The following MRPL34 variants were observed in gnomAD, a reference collection of about 807,000 sequenced individuals.
MRPL34 encodes large ribosomal subunit protein bL34m.
In MRPL34, 8 loss-of-function variants were observed where a neutral mutation model predicts 6.7. That is an observed-to-expected ratio of 1.20 (90% CI 0.70 to 2.16). The LOEUF (loss-of-function observed/expected upper bound fraction) is 2.16, where lower values mean the gene tolerates loss of function less well. Among genes scored for constraint, MRPL34 ranks in the 30% most tolerant of loss-of-function variants. The pLI is 0.00. For missense variants in MRPL34, 146 were observed against 125.5 expected (o/e 1.16, Z -0.78); for synonymous variants, 59 against 55.1 (o/e 1.07, Z -0.31).
At chr19:17,305,663 G>A (rs2074142144), upstream of MRPL34, 2 of 582,052 alleles carry the variant, frequency 3.4e-6, no homozygotes, top group Admixed American at 3.0e-5. Flanking sequence ...AGAAGGCGCC[G>A]TTCGCCGGCT....
At chr19:17,300,465 C>G (rs573172687), upstream of MRPL34, among the ~76,000 whole-genome samples, 1 of 151,890 alleles carries the variant, frequency 6.6e-6, no homozygotes, top group East Asian at 1.9e-4. Flanking sequence ...CCTTGGCCCC[C>G]GAAAGCACTG....
intron 1 of MRPL34, among the ~76,000 whole-genome samples, chr19:17,296,859 T>A (rs1244599274): frequency 6.6e-6 from 1 of 152,064 alleles, no homozygotes; most frequent in Non-Finnish European, 1.5e-5. Context: ...TATGCCCGGC[T>A]AATTTTTGTA....
chr19:17,301,679 C>T (rs1227223574), upstream of MRPL34: 1 of 1,462,484 alleles, frequency 6.8e-7, no homozygotes, highest in African/African-American at 1.4e-5. Context: ...AACCCTGCAC[C>T]GTGCAGCAGG....
intron 1 of MRPL34, among the ~76,000 whole-genome samples, chr19:17,295,544 G>A (rs1434710111): frequency 1.3e-5 from 2 of 151,944 alleles, no homozygotes; most frequent in Admixed American, 1.3e-4. Flanking sequence ...GTAGCTGGGA[G>A]TACAGGCATG....
At chr19:17,305,521 C>T, upstream of MRPL34, 1 of 286,450 alleles carries the variant, frequency 3.5e-6, no homozygotes, top group South Asian at 2.9e-5. Flanking sequence ...GACCAACCAG[C>T]CGCTTCCTGC....
At position 17,292,720 on chromosome 19, in the gene MRPL34, C is replaced by T. The variant is rs775849701; in HGVS notation, c.80C>T (p.Ser27Leu). 1.2e-5 allele frequency: 20 copies of T among 1,613,584 alleles called. No individual in the cohort carries two copies. In the South Asian group the frequency reaches 2.1e-4, roughly 17 times the overall value. The change falls in exon 1 of 3, where the codon TCG becomes TTG. Residue 27 changes from serine to leucine, a missense_variant. Ser to Leu is a moderately radical substitution (Grantham distance 145, BLOSUM62 -2). Transcript: ENST00000595444. ...TCCGGTAGAGCCTTGGGCGAGGGCTCGGGCTCCCAGAGCAGGAATTCGTGG... is the reference window on the plus strand; with the variant it reads ...TCCGGTAGAGCCTTGGGCGAGGGCTTGGGCTCCCAGAGCAGGAATTCGTGG...
upstream of MRPL34, among the ~76,000 whole-genome samples, chr19:17,299,290 G>T (rs142065712): frequency 1.4e-5 from 2 of 148,116 alleles, no homozygotes; most frequent in Non-Finnish European, 3.0e-5. Flanking sequence ...GGCCTGGTGC[G>T]TTGGCTCACG....
intron 1 of MRPL34, among the ~76,000 whole-genome samples, chr19:17,295,349 C>T (rs2074089313): frequency 6.6e-6 from 1 of 152,058 alleles, no homozygotes; most frequent in East Asian, 1.9e-4. Flanking sequence ...TCAAGTGATC[C>T]ATCCGCCTCG....
At position 17,294,354 on chromosome 19, in the gene MRPL34, G is replaced by A; in HGVS notation, c.214+1500G>A. ...CGTGCATGCCGTGGACAAGCAGGAC[G>A]GGCACGGTGAGCTCGGCGTGGTAGA... is the stretch of plus-strand genomic sequence containing the variant. On this transcript the variant is annotated intron_variant, in intron 1 of 2. Coordinates refer to the MRPL34 transcript ENST00000595444. The A allele has an allele frequency of 3.1e-6, 5 of 1,613,464 alleles. 1 individual carries two copies. In the South Asian group the frequency reaches 4.4e-5, roughly 14 times the overall value.
chr19:17,294,757 C>G, intron 1 of MRPL34: 1 of 1,614,172 alleles, frequency 6.2e-7, no homozygotes, highest in Non-Finnish European at 8.5e-7. Flanking sequence ...AAGCTGGGCT[C>G]CAGCGCCGTA....
At chr19:17,301,235 C>T (rs1351804599), upstream of MRPL34, 8 of 1,591,438 alleles carry the variant, frequency 5.0e-6, no homozygotes, top group South Asian at 5.6e-5. Flanking sequence ...AAGCGGCCAT[C>T]GCTGCCCGCC....
upstream of MRPL34, chr19:17,301,492 C>A (rs1227527679): frequency 1.1e-5 from 17 of 1,611,696 alleles, no homozygotes; most frequent in Non-Finnish European, 1.4e-5. Context: ...CCGCAGCACG[C>A]GGCCGGGCTT....
upstream of MRPL34, chr19:17,305,849 C>T (rs1022303109): frequency 3.1e-6 from 5 of 1,597,362 alleles, no homozygotes; most frequent in Middle Eastern, 1.7e-4. Context: ...CGGCTCTGGG[C>T]TCCGGAATCG....
upstream of MRPL34, among the ~76,000 whole-genome samples, chr19:17,304,552 G>T (rs923964639): frequency 6.6e-6 from 1 of 152,160 alleles, no homozygotes; most frequent in Non-Finnish European, 1.5e-5. Flanking sequence ...ACATCCCCTG[G>T]AATTTGCTGC....
At chr19:17,292,681 G>A in exon 1 of MRPL34, 1 of 1,611,530 alleles carries the variant, frequency 6.2e-7, no homozygotes, top group Non-Finnish European at 8.5e-7. Context: ...TCTTCTGGAG[G>A]CGCCGGCAGT....
At chr19:17,300,918 G>A, upstream of MRPL34, 1 of 1,610,876 alleles carries the variant, frequency 6.2e-7, no homozygotes, top group Non-Finnish European at 8.5e-7. Flanking sequence ...TTGCTCGCAT[G>A]TCCTCAGCCA....
intron 1 of MRPL34, among the ~76,000 whole-genome samples, chr19:17,296,882 A>G (rs1331599985): frequency 1.3e-5 from 2 of 151,726 alleles, no homozygotes; most frequent in Non-Finnish European, 2.9e-5. Flanking sequence ...TTTAGTAGAG[A>G]CGGGGTTTCA....
At chr19:17,295,514 C>T (rs2074090482) in intron 1 of MRPL34, among the ~76,000 whole-genome samples, 2 of 152,074 alleles carry the variant, frequency 1.3e-5, no homozygotes, top group Non-Finnish European at 1.5e-5. Context: ...TCAACTGATT[C>T]TCCTTCCTCA....
exon 1 of MRPL34, chr19:17,292,843 G>T (rs1407363673): frequency 5.6e-6 from 9 of 1,608,876 alleles, no homozygotes; most frequent in Non-Finnish European, 7.6e-6. Context: ...TGCAGAAGAC[G>T]CAGGGCTCAA....
Sources: allele counts gnomAD v4.1 joint callset (sites outside exome capture counted in the v4.1 genomes callset), GRCh38; gene constraint gnomAD v4.1.1; transcripts MANE v1.5; gene names NCBI Gene and HGNC (gene_info 2026-07-23, HGNC 2026-07-21).